Variants in ELAVL1 observed in about 807,000 individuals in gnomAD.
ELAVL1 encodes the protein ELAV like RNA binding protein 1.
In ELAVL1, 1 loss-of-function variant was observed where a neutral mutation model predicts 28.4. The observed-to-expected ratio is 0.04, with a 90% CI of 0.01 to 0.17. The LOEUF (loss-of-function observed/expected upper bound fraction) is 0.17. Ranked by LOEUF, ELAVL1 falls within the 10% of genes least tolerant of loss-of-function variation. The pLI is 1.00. For missense variants in ELAVL1, 157 were observed against 447.2 expected, an observed-to-expected ratio of 0.35 and a Z score of 5.85; for synonymous variants, 174 against 183.5, an observed-to-expected ratio of 0.95 and a Z score of 0.42.
chr19:7,969,750 A>G (rs1292161424), intron 4 of ELAVL1, among the ~76,000 whole-genome samples: 1 of 152,152 alleles, frequency 6.6e-6, no homozygotes, highest in East Asian at 1.9e-4. Flanking sequence ...CCTGCGGCCC[A>G]GCGGAGAGAA....
intron 4 of ELAVL1, among the ~76,000 whole-genome samples, chr19:7,969,430 G>A (rs778271316): frequency 6.6e-6 from 1 of 152,058 alleles, no homozygotes. Flanking sequence ...CCACAATCGC[G>A]ACACTGCAGG....
intron 1 of ELAVL1, among the ~76,000 whole-genome samples, chr19:8,001,616 G>A (rs897060148): frequency 2.0e-5 from 3 of 151,094 alleles, no homozygotes; most frequent in East Asian, 3.9e-4. Context: ...TGACATAAAC[G>A]TCTCACTCTT....
At chr19:8,004,704 AG>A (rs2081080836) in intron 1 of ELAVL1, among the ~76,000 whole-genome samples, 1 of 152,146 alleles carries the variant, frequency 6.6e-6, no homozygotes, top group Admixed American at 6.6e-5. Flanking sequence ...CTTTCTAGCA[AG>A]GGGGCTCAGT....
At chr19:7,992,967 G>C (rs951476464) in intron 1 of ELAVL1, among the ~76,000 whole-genome samples, 13 of 152,108 alleles carry the variant, frequency 8.5e-5, no homozygotes, top group Admixed American at 6.5e-4. Flanking sequence ...TGTAGAGATG[G>C]TATCTTGCCC....
chr19:7,965,666 C>T (rs976107957), intron 5 of ELAVL1, among the ~76,000 whole-genome samples: 2 of 152,126 alleles, frequency 1.3e-5, no homozygotes, highest in African/African-American at 4.8e-5. Flanking sequence ...CCTGCTCGAC[C>T]AGAAATGTCC....
chr19:7,965,069 G>A (rs1019266392), intron 5 of ELAVL1, among the ~76,000 whole-genome samples: 5 of 152,214 alleles, frequency 3.3e-5, no homozygotes, highest in Non-Finnish European at 7.3e-5. Context: ...CAGCTGCCAT[G>A]GGGCAGCTCA....
chr19:7,964,270 G>A (rs1253884576), intron 5 of ELAVL1, among the ~76,000 whole-genome samples: 1 of 152,028 alleles, frequency 6.6e-6, no homozygotes, highest in Non-Finnish European at 1.5e-5. Flanking sequence ...ATCATGACCC[G>A]CCCCCAAGCG....
At chr19:7,967,888 T>C in intron 4 of ELAVL1, 98 bp from the exon 5 acceptor site, 2 of 1,332,992 alleles carry the variant, frequency 1.5e-6, no homozygotes, top group South Asian at 1.4e-5. Flanking sequence ...TGGGCCAGGC[T>C]AGAAGTCTGG....
In ELAVL1 at chr19:7,963,826, G is replaced by T; in HGVS notation, c.657-19C>A. 1.2e-5 allele frequency: 20 copies of T among 1,609,894 alleles called. No individual in the cohort carries two copies. The highest frequency in any genetic ancestry group is 1.7e-5 in the Non-Finnish European group (20 of 1,177,074). Reference sequence around the variant, plus strand: ...GGAGAACCTGGCAGACAGAGAGCAAGCGTCAGGCCACGGTCAGCGCAGGCG... The same window carrying T: ...GGAGAACCTGGCAGACAGAGAGCAATCGTCAGGCCACGGTCAGCGCAGGCG... On this transcript the variant is annotated intron_variant, in intron 5 of 5. Coordinates refer to ENST00000407627, the MANE Select transcript of ELAVL1 (RefSeq NM_001419.3). The surrounding 1 kb of genome is among the most constrained non-coding windows in gnomAD (Gnocchi z 4.5).
At chr19:7,967,991 T>G (rs867893829) in intron 4 of ELAVL1, among the ~76,000 whole-genome samples, 2 of 152,212 alleles carry the variant, frequency 1.3e-5, no homozygotes, top group Non-Finnish European at 2.9e-5. Context: ...AGCTTCAGAC[T>G]TTCTTCCCGG....
At chr19:7,978,076 G>T (rs1185135306) in intron 3 of ELAVL1, among the ~76,000 whole-genome samples, 2 of 152,254 alleles carry the variant, frequency 1.3e-5, no homozygotes, top group African/African-American at 2.4e-5. Context: ...CCACCTTACA[G>T]AGAATGGTGG....
intron 1 of ELAVL1, among the ~76,000 whole-genome samples, chr19:8,001,787 C>T (rs1319501191): frequency 6.6e-6 from 1 of 152,144 alleles, no homozygotes; most frequent in Admixed American, 6.5e-5. Flanking sequence ...TTGACAGGTA[C>T]CTGGATCCAG....
At chr19:7,969,317 T>C (rs1326915120) in intron 4 of ELAVL1, among the ~76,000 whole-genome samples, 1 of 152,206 alleles carries the variant, frequency 6.6e-6, no homozygotes, top group Non-Finnish European at 1.5e-5. Context: ...CCCGGGGCCT[T>C]GGGTGACCTG....
chr19:7,991,174 G>T (rs537848417), intron 2 of ELAVL1, among the ~76,000 whole-genome samples: 7 of 152,186 alleles, frequency 4.6e-5, no homozygotes, highest in Non-Finnish European at 1.0e-4. Context: ...ATAACGAAGG[G>T]CTGTCCACAA....
At position 7,963,464 on chromosome 19, in the gene ELAVL1, A is replaced by C; in HGVS notation, c.*19T>G. The C allele has an allele frequency of 6.3e-7, 1 of 1,585,480 alleles. No homozygotes were observed. Among genetic ancestry groups the C allele is most frequent in the Non-Finnish European group, 8.6e-7 (1 of 1,161,730 alleles). On this transcript the variant is annotated 3_prime_UTR_variant, in exon 6 of 6. Transcript: ENST00000407627. This position sits in a 1 kb window ranked among gnomAD's most constrained non-coding sequence, Gnocchi z 4.5. ...TCACTCTTAATTATCTATTCCGTAC[A>C]AAAAAAAGCATGAGCGAGTTATTTG... is the stretch of plus-strand genomic sequence containing the variant.
chr19:7,975,037 C>T (rs1448981842), intron 3 of ELAVL1, among the ~76,000 whole-genome samples: 3 of 152,152 alleles, frequency 2.0e-5, no homozygotes, highest in East Asian at 1.9e-4. Context: ...CATGTCACTA[C>T]GGAGCCCATG....
At chr19:7,974,346 G>A (rs925279037) in intron 3 of ELAVL1, among the ~76,000 whole-genome samples, 12 of 152,242 alleles carry the variant, frequency 7.9e-5, no homozygotes, top group African/African-American at 2.9e-4. Flanking sequence ...TGAGTTCTGG[G>A]AGGACCCCGA....
intron 4 of ELAVL1, 41 bp from the exon 5 acceptor site, chr19:7,967,831 C>T (rs368563522): frequency 1.1e-5 from 18 of 1,591,788 alleles, no homozygotes; most frequent in Admixed American, 3.4e-5. Context: ...GGGGGAAAAA[C>T]GCTAGGACTT....
In ELAVL1 at chr19:7,979,338, C is replaced by T. The variant is rs892458534; in HGVS notation, c.276+1745G>A. Reference sequence around the variant, plus strand: ...GCCCAGGCCTGGGCCCCTGGGGTCCCGTGAGGCTCTGGCTCCAAACTCAGG... The same window carrying T: ...GCCCAGGCCTGGGCCCCTGGGGTCCTGTGAGGCTCTGGCTCCAAACTCAGG... On this transcript the variant is annotated intron_variant, in intron 3 of 5. Transcript: ENST00000407627. The surrounding 1 kb of genome is among the most constrained non-coding windows in gnomAD (Gnocchi z 5.4). 4.6e-5 allele frequency among the ~76,000 whole-genome samples: 7 copies of T among 152,200 alleles called. No individual in the cohort carries two copies. The highest frequency in any genetic ancestry group is 1.2e-4 in the African/African-American group (5 of 41,456).
Sources: gnomAD v4.1 joint callset for allele counts (sites outside exome capture counted in the v4.1 genomes callset) on GRCh38, gnomAD v4.1.1 for gene constraint, Gnocchi (gnomAD v3.1) non-coding constraint, MANE v1.5 for transcripts, NCBI Gene and HGNC (gene_info 2026-07-23, HGNC 2026-07-21) for gene names.